Variants in TMEM164 observed in about 807,000 individuals in gnomAD.
TMEM164 encodes transmembrane protein 164.
In TMEM164, 4 loss-of-function variants were observed where a neutral mutation model predicts 18.8. That is an observed-to-expected ratio of 0.21 (90% confidence interval 0.10 to 0.49). The LOEUF (loss-of-function observed/expected upper bound fraction) is 0.49, where lower values mean the gene tolerates loss of function less well. Ranked by LOEUF, TMEM164 falls within the 20% of genes least tolerant of loss-of-function variation. The pLI is 0.98. For synonymous variants in TMEM164, 86 were observed against 101.7 expected (o/e 0.85, Z 0.93); for missense variants, 108 against 239.9 (o/e 0.45, Z 3.63).
chrX:110,064,545 G>A (rs1222234275), intron 2 of TMEM164, among the ~76,000 whole-genome samples: 4 of 111,775 alleles, frequency 3.6e-5, no homozygotes, highest in Non-Finnish European at 7.5e-5. Context: ...GCTAAAGGAG[G>A]CCATGAGTTT....
chrX:110,165,183 T>C (rs1225303874), intron 5 of TMEM164, among the ~76,000 whole-genome samples: 1 of 112,813 alleles, frequency 8.9e-6, no homozygotes, highest in Non-Finnish European at 1.9e-5. Context: ...AGAAGTGTGT[T>C]CCCAGTGGAA....
rs74798864 is a variant in TMEM164, at chrX:110,153,732, G to T, written c.586+8856G>T. 7.5e-3 allele frequency among the ~76,000 whole-genome samples: 835 copies of T among 111,466 alleles called. 8 individuals carry two copies. The highest frequency in any genetic ancestry group is 0.026 in the African/African-American group (804 of 30,685). The stretch of plus-strand genomic sequence containing the variant: ...TGTGGCCTAGGATGGATTTGAATGT[G>T]GCCCAACACAAATTTGTAAACTTTC... On this transcript the variant is annotated intron_variant, in intron 5 of 6. Coordinates refer to ENST00000372068, the MANE Select transcript of TMEM164 (RefSeq NM_032227.4).
chrX:110,069,198 ATATT>A (rs1260287714), intron 3 of TMEM164, among the ~76,000 whole-genome samples: 1 of 111,904 alleles, frequency 8.9e-6, no homozygotes, highest in Non-Finnish European at 1.9e-5. Context: ...GTTTAAATAT[ATATT>A]TATGTTAATA....
chrX:110,111,268 C>T (rs924205078), intron 4 of TMEM164, among the ~76,000 whole-genome samples: 3 of 112,494 alleles, frequency 2.7e-5, no homozygotes, highest in Non-Finnish European at 5.6e-5. Context: ...TAAAAATAAA[C>T]CAAATTGGGA....
At chrX:110,108,344 G>A (rs1195849441) in intron 3 of TMEM164, among the ~76,000 whole-genome samples, 1 of 111,210 alleles carries the variant, frequency 9.0e-6, no homozygotes, top group Non-Finnish European at 1.9e-5. Flanking sequence ...TTGTTCCTGA[G>A]TTAATTGTGC....
rs1009471117 is a variant in TMEM164, at chrX:110,003,838, G to C, written c.64G>C (p.Ala22Pro). The change falls in exon 2 of 7, where the codon GCA (alanine) becomes CCA (proline). Residue 22 changes from alanine to proline, a missense_variant. By Grantham distance (27) the Ala-to-Pro change is conservative. Transcript: ENST00000372068. ...CTATGGGGGCGTGGACCCCAGTTTT[G>C]CAGGCAATGGGGGCCCCGACTGTGC... ...WLYGGVDPSF[A>P]GNGGPDCAAF... The C allele has an allele frequency of 2.5e-6, 3 of 1,211,394 alleles. No individual in the cohort carries two copies. In the African/African-American group the frequency reaches 5.2e-5, roughly 21 times the overall value.
intron 2 of TMEM164, among the ~76,000 whole-genome samples, chrX:110,035,102 G>C (rs1352712864): frequency 5.8e-5 from 6 of 102,869 alleles, no homozygotes; most frequent in Non-Finnish European, 9.9e-5. Context: ...GATAGCATTA[G>C]TAGATATACC....
At chrX:110,151,240 A>T (rs1204329465) in intron 5 of TMEM164, among the ~76,000 whole-genome samples, 1 of 112,108 alleles carries the variant, frequency 8.9e-6, no homozygotes, top group Non-Finnish European at 1.9e-5. Context: ...TATCTATAGG[A>T]TATATTCCCA....
At chrX:110,124,572 G>T (rs2066503531) in intron 4 of TMEM164, among the ~76,000 whole-genome samples, 1 of 111,124 alleles carries the variant, frequency 9.0e-6, no homozygotes, top group South Asian at 3.8e-4. Flanking sequence ...AAGCTTTGGT[G>T]GTAGGATCCG....
intron 5 of TMEM164, among the ~76,000 whole-genome samples, chrX:110,149,310 C>G: frequency 9.0e-6 from 1 of 111,608 alleles, no homozygotes; most frequent in Non-Finnish European, 1.9e-5. Flanking sequence ...ACCCTTTATT[C>G]CTCAGACCAT....
intron 3 of TMEM164, among the ~76,000 whole-genome samples, chrX:110,091,231 G>T (rs2065923773): frequency 8.9e-6 from 1 of 112,505 alleles, no homozygotes; most frequent in Non-Finnish European, 1.9e-5. Flanking sequence ...CCAGTAATGG[G>T]ATGACTGGCT....
chrX:110,093,198 T>A (rs1329419442), intron 3 of TMEM164, among the ~76,000 whole-genome samples: 1 of 112,008 alleles, frequency 8.9e-6, no homozygotes, highest in African/African-American at 3.2e-5. Context: ...CTGCCAGGCT[T>A]TGGTATCAGG....
intron 4 of TMEM164, among the ~76,000 whole-genome samples, chrX:110,134,478 T>C (rs1239322671): frequency 9.6e-6 from 1 of 103,760 alleles, no homozygotes; most frequent in Non-Finnish European, 1.9e-5. Flanking sequence ...GAGAATCTCT[T>C]GAACTCAGGA....
chrX:110,092,013 G>T (rs1265200538), intron 3 of TMEM164, among the ~76,000 whole-genome samples: 1 of 111,715 alleles, frequency 9.0e-6, no homozygotes, highest in African/African-American at 3.3e-5. Context: ...GAGATCAGAT[G>T]GTTGTAGATG....
At chrX:110,030,980 T>A (rs1266858667) in intron 2 of TMEM164, among the ~76,000 whole-genome samples, 2 of 111,249 alleles carry the variant, frequency 1.8e-5, no homozygotes, top group Non-Finnish European at 3.8e-5. Context: ...TAGGTATACA[T>A]GTGCCATGGT....
chrX:110,126,356 G>A (rs2066528069), intron 4 of TMEM164, among the ~76,000 whole-genome samples: 1 of 112,302 alleles, frequency 8.9e-6, no homozygotes. Context: ...CCCACCTCTG[G>A]ACTCACAGCA....
rs1341952982 is a variant in TMEM164, at chrX:110,150,788, C to T, written c.586+5912C>T. Among the ~76,000 whole-genome samples the T allele has an allele frequency of 8.9e-5, 10 of 112,002 alleles. No individual in the cohort carries two copies. In the East Asian group the frequency reaches 2.8e-3, roughly 31 times the overall value. ...TTCTTGGAGAGCTTTCCATGTGAGC[C>T]CACAAGAAGCTCCCCCTTTCTTTCT... On this transcript the variant is annotated intron_variant, in intron 5 of 6. Coordinates refer to ENST00000372068, the MANE Select transcript of TMEM164 (RefSeq NM_032227.4).
chrX:110,014,050 AGTT>A (rs778550709), intron 2 of TMEM164, among the ~76,000 whole-genome samples: 12 of 111,531 alleles, frequency 1.1e-4, no homozygotes, highest in Admixed American at 8.6e-4. Flanking sequence ...ACATTACCAG[AGTT>A]GTTGTGAGGA....
intron 3 of TMEM164, among the ~76,000 whole-genome samples, chrX:110,080,991 C>G (rs1194321484): frequency 9.5e-6 from 1 of 105,487 alleles, no homozygotes; most frequent in African/African-American, 3.6e-5. Context: ...CTGCCTCGGC[C>G]TCCTAAAGTG....
Sources: allele counts gnomAD v4.1 joint callset (sites outside exome capture counted in the v4.1 genomes callset), GRCh38; gene constraint gnomAD v4.1.1; transcripts MANE v1.5; gene names NCBI Gene and HGNC (gene_info 2026-07-23, HGNC 2026-07-21).